TOLLIP: variants seen among roughly 807,000 people sequenced by gnomAD.
The protein encoded by TOLLIP is toll interacting protein.
Under a neutral mutation model 33.5 loss-of-function variants are expected in TOLLIP, and 16 were observed. The ratio of observed to expected loss-of-function variants is 0.48; its 90% CI spans 0.32 to 0.72. The LOEUF is 0.72. TOLLIP is among the 30% of genes least tolerant of loss of function. The pLI is 0.03. For missense variants in TOLLIP, 325 were observed against 396.6 expected, an observed-to-expected ratio of 0.82 and a Z score of 1.53; for synonymous variants, 176 against 163.7, an observed-to-expected ratio of 1.07 and a Z score of -0.57.
At chr11:1,281,398 C>T (rs1373628218) in intron 5 of TOLLIP, among the ~76,000 whole-genome samples, 6 of 152,130 alleles carry the variant, frequency 3.9e-5, no homozygotes, top group East Asian at 1.9e-4. Context: ...GGACGGTCCT[C>T]GTGAGGGCTC....
At position 1,287,895 on chromosome 11, in the gene TOLLIP, T is replaced by C. The variant is rs990062002; in HGVS notation, c.519+729A>G. Among the ~76,000 whole-genome samples, 16 of 144,876 alleles carry C rather than the reference T, an allele frequency of 1.1e-4. 1 individual carries two copies. The highest frequency in any genetic ancestry group is 3.8e-4 in the African/African-American group (14 of 36,978). On this transcript the variant is annotated intron_variant, in intron 4 of 5. Coordinates refer to ENST00000317204, the MANE Select transcript of TOLLIP (RefSeq NM_019009.4). ...AGCCTCCCTGCTGCACCCTCCCTGC[T>C]GCACCCTCTCTGCTGCACCCTCTCT...
chr11:1,281,967 C>T (rs752522549), intron 5 of TOLLIP, among the ~76,000 whole-genome samples: 53 of 152,124 alleles, frequency 3.5e-4, no homozygotes, highest in Admixed American at 3.9e-4. Flanking sequence ...CAGTGGCTGC[C>T]GGGAGGATGG....
At position 1,290,473 on chromosome 11, in the gene TOLLIP, G is replaced by A. The variant is rs982408175; in HGVS notation, c.184-64C>T. 7 of 1,514,570 alleles carry A rather than the reference G, an allele frequency of 4.6e-6. No individual in the cohort carries two copies. The highest frequency in any genetic ancestry group is 1.7e-4 in the Middle Eastern group (1 of 5,736). 93.8% of individuals were successfully genotyped at this position (1,514,570 alleles called of 1,614,324 possible). On this transcript the variant is annotated intron_variant, in intron 2 of 5. Transcript: ENST00000317204. The surrounding 1 kb of genome is among the most constrained non-coding windows in gnomAD (Gnocchi z 4.9). ...CATCAGGAGAGGGTGGGTTCTCTAG[G>A]CCGTCTGCCTCCCTGAACCCTTCCA...
intron 1 of TOLLIP, chr11:1,302,505 AT>A (rs1415929988): frequency 1.1e-6 from 1 of 905,078 alleles, no homozygotes. Context: ...GAAAACTGCA[AT>A]TCCCCATGCC....
At chr11:1,294,059 GC>G (rs1403500392) in intron 2 of TOLLIP, among the ~76,000 whole-genome samples, 1 of 151,924 alleles carries the variant, frequency 6.6e-6, no homozygotes, top group African/African-American at 2.4e-5. Context: ...TTCTATGAAA[GC>G]CGCGTGGCTC....
chr11:1,292,895 G>C (rs1158937608), intron 2 of TOLLIP, among the ~76,000 whole-genome samples: 3 of 152,268 alleles, frequency 2.0e-5, no homozygotes, highest in African/African-American at 7.2e-5. Flanking sequence ...GGAAGCGGGA[G>C]GAGAACGGCC....
chr11:1,306,627 A>G (rs12421317), intron 1 of TOLLIP, among the ~76,000 whole-genome samples: 2 of 152,052 alleles, frequency 1.3e-5, no homozygotes, highest in Admixed American at 1.3e-4. Context: ...AAGGCCCACT[A>G]TGGGTTAATT....
At chr11:1,295,896 T>C (rs1864099913) in intron 1 of TOLLIP, 102 bp from the exon 2 acceptor site, 4 of 1,391,692 alleles carry the variant, frequency 2.9e-6, no homozygotes, top group Non-Finnish European at 1.9e-6. Flanking sequence ...CCCCCACCCA[T>C]GTCCTTATCA....
chr11:1,289,211 C>T (rs1470098574), intron 3 of TOLLIP, among the ~76,000 whole-genome samples: 4 of 152,200 alleles, frequency 2.6e-5, no homozygotes, highest in African/African-American at 7.2e-5. Flanking sequence ...TGACTCTGCA[C>T]TTCCCATGCG....
At chr11:1,284,718 T>C (rs573329535) in intron 5 of TOLLIP, among the ~76,000 whole-genome samples, 1 of 152,278 alleles carries the variant, frequency 6.6e-6, no homozygotes, top group African/African-American at 2.4e-5. Context: ...TGCTCTTTCC[T>C]CTGGAGAAAG....
rs140929037 is a variant in TOLLIP at position 1,304,681 on chromosome 11, T to C, written c.33+4785A>G. 3.9e-4 allele frequency among the ~76,000 whole-genome samples: 59 copies of C among 152,336 alleles called. No individual in the cohort carries two copies. In the East Asian group the frequency reaches 8.1e-3, roughly 21 times the overall value. ...CTCCCTCATGGCAGAAGCTGATAAG[T>C]GCATGTTACCATTTCCAGGGGAGCC... On this transcript the variant is annotated intron_variant, in intron 1 of 5. Transcript: ENST00000317204.
In TOLLIP at chr11:1,274,865, G is replaced by T. The variant is rs2133868736; in HGVS notation, c.*2174C>A. On this transcript the variant is annotated 3_prime_UTR_variant, in exon 6 of 6. Coordinates refer to ENST00000317204, the MANE Select transcript of TOLLIP (RefSeq NM_019009.4). ...CTCATCCACACCTGACACAGGCGGG[G>T]GCGGGGGAGGGTGGGGGTTGTGAAC... The T allele has an allele frequency of 6.6e-6, 1 of 152,316 alleles. No individual in the cohort carries two copies. Among genetic ancestry groups the T allele is most frequent in the East Asian group, 1.9e-4 (1 of 5,180 alleles). 9.4% of individuals were successfully genotyped at this position (152,316 alleles called of 1,614,324 possible). A position where few individuals can be genotyped will look rare whatever the true frequency, so the allele number is the denominator to read the frequency against.
chr11:1,303,495 C>G lies in TOLLIP; in HGVS notation c.33+5971G>C, dbSNP rs1345425036. On this transcript the variant is annotated intron_variant, in intron 1 of 5. Coordinates refer to ENST00000317204, the MANE Select transcript of TOLLIP (RefSeq NM_019009.4). This position sits in a 1 kb window ranked among gnomAD's most constrained non-coding sequence, Gnocchi z 4.2. ...TTACACGTGAGTGGAAGAAGACAAA[C>G]GGGAAGCATCATGAGTTATGCTGTA... Among the ~76,000 whole-genome samples, 2 of 152,240 alleles carry G rather than the reference C, an allele frequency of 1.3e-5. No individual in the cohort carries two copies. The highest frequency in any genetic ancestry group is 4.8e-5 in the African/African-American group (2 of 41,470).
chr11:1,285,323 TC>T (rs1009989193), intron 5 of TOLLIP, among the ~76,000 whole-genome samples: 3 of 151,884 alleles, frequency 2.0e-5, no homozygotes, highest in African/African-American at 7.3e-5. Context: ...GACCACAGGC[TC>T]CCCCCTAGCA....
chr11:1,281,719 G>A (rs1416718788), intron 5 of TOLLIP, among the ~76,000 whole-genome samples: 2 of 152,246 alleles, frequency 1.3e-5, no homozygotes, highest in African/African-American at 2.4e-5. Context: ...CCGAAGCCAC[G>A]CAGCCAGCAC....
rs369629471 is a variant in TOLLIP, at chr11:1,277,286, C to T, written c.611-33G>A. 16 of 1,495,908 alleles carry T rather than the reference C, an allele frequency of 1.1e-5. No homozygotes were observed. Among genetic ancestry groups the T allele is most frequent in the Middle Eastern group, 3.8e-4 (2 of 5,282 alleles). 92.7% of individuals were successfully genotyped at this position (1,495,908 alleles called of 1,614,324 possible). A position where few individuals can be genotyped will look rare whatever the true frequency, so the allele number is the denominator to read the frequency against. On this transcript the variant is annotated intron_variant, in intron 5 of 5. Coordinates refer to ENST00000317204, the MANE Select transcript of TOLLIP (RefSeq NM_019009.4). The surrounding 1 kb of genome is among the most constrained non-coding windows in gnomAD (Gnocchi z 4.2). ...CAAAGATCAAGTTTGGTAAAAACGT[C>T]GGAAAGTTCCAGAAGTGCCACACTA...
In TOLLIP at chr11:1,287,815, G is replaced by C. The variant is rs71454081; in HGVS notation, c.519+809C>G. Among the ~76,000 whole-genome samples the C allele has an allele frequency of 1.5e-3, 17 of 11,708 alleles. 1 individual carries two copies. Among genetic ancestry groups the C allele is most frequent in the South Asian group, 6.7e-3 (2 of 298 alleles). The allele number at this position is 11,708 out of a possible 152,430, so 7.7% of individuals were successfully genotyped here. A position where few individuals can be genotyped will look rare whatever the true frequency, so the allele number is the denominator to read the frequency against. On this transcript the variant is annotated intron_variant, in intron 4 of 5. Coordinates refer to ENST00000317204, the MANE Select transcript of TOLLIP (RefSeq NM_019009.4). ...TCCCTGCCGCAGCCTCCCCGCCGCAGCCTCCCCGCCGCACCCTCCCCGCCG... is the reference window on the plus strand; with the variant it reads ...TCCCTGCCGCAGCCTCCCCGCCGCACCCTCCCCGCCGCACCCTCCCCGCCG...
At position 1,295,658 on chromosome 11, in the gene TOLLIP, ATG is replaced by A. The variant is rs1564975813; in HGVS notation, c.168_169del (p.Ile57HisfsTer45). 6.3e-7 allele frequency: 1 copy of A among 1,588,684 alleles called. No homozygotes were observed. ...CCCAAGGCCCACCTGTACCACCGTGATGTTCAGTCGGCCCACGGTGCCCACTG... is the reference window on the plus strand; with the variant it reads ...CCCAAGGCCCACCTGTACCACCGTGATTCAGTCGGCCCACGGTGCCCACTG... On this transcript the variant is annotated frameshift_variant, in exon 2 of 6. Coordinates refer to ENST00000317204, the MANE Select transcript of TOLLIP (RefSeq NM_019009.4). LOFTEE classifies it high-confidence loss of function.
chr11:1,287,883 CACCCTCCCTGCT>C (rs1863796190), intron 4 of TOLLIP, among the ~76,000 whole-genome samples: 2 of 149,548 alleles, frequency 1.3e-5, no homozygotes, highest in Admixed American at 1.3e-4. Flanking sequence ...CTCCCTGCTG[CACCCTCCCTGCT>C]GCACCCTCTC....
Sources: gnomAD v4.1 joint callset for allele counts (sites outside exome capture counted in the v4.1 genomes callset) on GRCh38, gnomAD v4.1.1 for gene constraint, Gnocchi (gnomAD v3.1) non-coding constraint, MANE v1.5 for transcripts, NCBI Gene and HGNC (gene_info 2026-07-23, HGNC 2026-07-21) for gene names.